Variants in TRPC7 observed in about 807,000 individuals in gnomAD.
The protein encoded by TRPC7 is transient receptor potential cation channel subfamily C member 7, also known as short transient receptor potential channel 7.
In TRPC7, 42 loss-of-function variants were observed where a neutral mutation model predicts 90.1. The observed-to-expected ratio is 0.47, with a 90% CI of 0.36 to 0.60. TRPC7 has a LOEUF of 0.60. TRPC7 is among the 20% of genes least tolerant of loss of function. The pLI, the probability that TRPC7 is intolerant of heterozygous loss-of-function variation, is 0.00. For synonymous variants in TRPC7, 451 were observed against 436.3 expected (o/e 1.03, Z -0.42); for missense variants, 955 against 1,112.3 (o/e 0.86, Z 2.01).
chr5:136,308,025 G>A (rs1758703394), intron 3 of TRPC7, among the ~76,000 whole-genome samples: 1 of 152,142 alleles, frequency 6.6e-6, no homozygotes, highest in Non-Finnish European at 1.5e-5. Context: ...GAAGAACTTG[G>A]GACTTGAACA....
At chr5:136,325,389 G>A (rs1759315137) in intron 2 of TRPC7, among the ~76,000 whole-genome samples, 1 of 152,134 alleles carries the variant, frequency 6.6e-6, no homozygotes, top group Admixed American at 6.5e-5. Flanking sequence ...GTGAGAAGTA[G>A]GGTCAAGAGA....
intron 2 of TRPC7, among the ~76,000 whole-genome samples, chr5:136,331,878 CTG>C (rs1207103740): frequency 2.0e-5 from 3 of 152,154 alleles, no homozygotes; most frequent in Non-Finnish European, 4.4e-5. Context: ...TGTCCTAAAT[CTG>C]AGATACAACC....
At chr5:136,330,615 C>T (rs1759470004) in intron 2 of TRPC7, among the ~76,000 whole-genome samples, 1 of 152,210 alleles carries the variant, frequency 6.6e-6, no homozygotes, top group African/African-American at 2.4e-5. Flanking sequence ...ATGAGGGCCT[C>T]TTGTTAAAAG....
At chr5:136,298,868 A>T (rs1758272229) in intron 3 of TRPC7, among the ~76,000 whole-genome samples, 1 of 152,188 alleles carries the variant, frequency 6.6e-6, no homozygotes, top group Non-Finnish European at 1.5e-5. Context: ...CAAAAAATGA[A>T]AAAACCCTTG....
chr5:136,290,591 A>G (rs542126825), intron 3 of TRPC7, among the ~76,000 whole-genome samples: 181 of 152,330 alleles, frequency 1.2e-3, no homozygotes, highest in Non-Finnish European at 2.1e-3. Context: ...AGTTTAGAGA[A>G]AAAAGAATAA....
intron 3 of TRPC7, among the ~76,000 whole-genome samples, chr5:136,304,395 TC>T (rs59053228): frequency 0.63 from 96,146 of 151,818 alleles, 31,075 homozygotes; most frequent in African/African-American, 0.77. Flanking sequence ...TCCTTACCAT[TC>T]CCCCATTTTA....
chr5:136,282,792 G>T (rs1757587062), intron 3 of TRPC7, among the ~76,000 whole-genome samples: 1 of 152,108 alleles, frequency 6.6e-6, no homozygotes, highest in Admixed American at 6.5e-5. Context: ...AGTACCATTG[G>T]CAGACAGTGA....
intron 2 of TRPC7, among the ~76,000 whole-genome samples, chr5:136,341,454 C>T (rs1759842990): frequency 7.8e-6 from 1 of 128,804 alleles, no homozygotes; most frequent in South Asian, 2.4e-4. Context: ...TATTTACATA[C>T]ACATACATAT....
At chr5:136,238,322 T>C (rs1756056130) in intron 7 of TRPC7, among the ~76,000 whole-genome samples, 1 of 152,240 alleles carries the variant, frequency 6.6e-6, no homozygotes, top group Non-Finnish European at 1.5e-5. Context: ...TGACAGGGCC[T>C]GCTGACCTCC....
At chr5:136,215,492 G>A (rs116156916) in intron 11 of TRPC7, among the ~76,000 whole-genome samples, 1,844 of 152,188 alleles carry the variant, frequency 0.012, 37 homozygotes, top group African/African-American at 0.042. Context: ...ATTCTGGATT[G>A]TCCTGGTGGA....
intron 4 of TRPC7, among the ~76,000 whole-genome samples, chr5:136,268,570 G>A (rs937705162): frequency 6.6e-6 from 1 of 152,200 alleles, no homozygotes; most frequent in East Asian, 1.9e-4. Flanking sequence ...GAATTTGTAT[G>A]TAGCTGCACC....
At chr5:136,309,382 A>T (rs1758754520) in intron 3 of TRPC7, among the ~76,000 whole-genome samples, 1 of 152,182 alleles carries the variant, frequency 6.6e-6, no homozygotes, top group Non-Finnish European at 1.5e-5. Flanking sequence ...CATCTCCCAC[A>T]TAATTTTTCC....
chr5:136,345,381 C>A (rs1759973140), intron 2 of TRPC7, among the ~76,000 whole-genome samples: 1 of 152,044 alleles, frequency 6.6e-6, no homozygotes, highest in African/African-American at 2.4e-5. Context: ...CATGGCGAAA[C>A]CCCGTCTCTA....
chr5:136,333,873 T>C (rs1441846555), intron 2 of TRPC7, among the ~76,000 whole-genome samples: 2 of 152,220 alleles, frequency 1.3e-5, no homozygotes, highest in Non-Finnish European at 2.9e-5. Flanking sequence ...ACAGTAATCA[T>C]GCATTGCCCA....
intron 10 of TRPC7, among the ~76,000 whole-genome samples, chr5:136,221,097 G>C (rs1237603544): frequency 7.2e-6 from 1 of 138,872 alleles, no homozygotes; most frequent in African/African-American, 2.7e-5. Context: ...GGAAATGTGT[G>C]TGTGTGTGTA....
chr5:136,359,109 G>A (rs967913337), intron 1 of TRPC7, among the ~76,000 whole-genome samples: 1 of 152,088 alleles, frequency 6.6e-6, no homozygotes, highest in East Asian at 1.9e-4. Flanking sequence ...TATGCAATTA[G>A]CCTTGTGAAT....
chr5:136,287,723 A>AAAAAAACC (rs1561702540), intron 3 of TRPC7, among the ~76,000 whole-genome samples: 4 of 127,662 alleles, frequency 3.1e-5, no homozygotes, highest in African/African-American at 6.0e-5. Context: ...AAAAAAAAAA[A>AAAAAAACC]AAAAAACCCA....
At chr5:136,294,153 A>C (rs1758068405) in intron 3 of TRPC7, among the ~76,000 whole-genome samples, 1 of 152,242 alleles carries the variant, frequency 6.6e-6, no homozygotes, top group Admixed American at 6.5e-5. Context: ...AGATGGATTA[A>C]AGACTTAAAT....
chr5:136,338,581 A>G (rs954581644), intron 2 of TRPC7, among the ~76,000 whole-genome samples: 6 of 152,226 alleles, frequency 3.9e-5, no homozygotes, highest in African/African-American at 1.4e-4. Flanking sequence ...TTATCCCTAT[A>G]CTATGTTTGA....
Sources: gnomAD v4.1 joint callset for allele counts (sites outside exome capture counted in the v4.1 genomes callset) on GRCh38, gnomAD v4.1.1 for gene constraint, MANE v1.5 for transcripts, NCBI Gene and HGNC (gene_info 2026-07-23, HGNC 2026-07-21) for gene names.